The following MLLT3 variants were observed in gnomAD, a reference collection of about 807,000 sequenced individuals.
MLLT3 encodes the protein protein AF-9.
Under a neutral mutation model 53.2 loss-of-function variants are expected in MLLT3, and 4 were observed. The observed-to-expected ratio is 0.08, with a 90% CI of 0.04 to 0.17. The LOEUF (loss-of-function observed/expected upper bound fraction) is 0.17. MLLT3 is among the 10% of genes least tolerant of loss of function. The probability of loss-of-function intolerance (pLI) is 1.00; values close to 1 mark genes in which losing one functional copy is unlikely to be tolerated. For missense variants in MLLT3, 569 were observed against 684.0 expected (o/e 0.83, Z 1.87); for synonymous variants, 283 against 230.6 (o/e 1.23, Z -2.06).
intron 2 of MLLT3, among the ~76,000 whole-genome samples, chr9:20,478,860 A>G (rs368702974): frequency 2.0e-5 from 3 of 152,288 alleles, no homozygotes; most frequent in South Asian, 4.2e-4. Flanking sequence ...GGAGAAAGGG[A>G]GGGAACTTCA....
chr9:20,470,701 G>A (rs920492004), intron 2 of MLLT3, among the ~76,000 whole-genome samples: 1 of 151,826 alleles, frequency 6.6e-6, no homozygotes, highest in Non-Finnish European at 1.5e-5. Context: ...AAGTACTATT[G>A]TTTAGCTTCT....
intron 4 of MLLT3, among the ~76,000 whole-genome samples, chr9:20,445,293 A>G (rs1823665915): frequency 6.6e-6 from 1 of 152,318 alleles, no homozygotes. Flanking sequence ...TAACAAGAAT[A>G]TACTTAATAT....
chr9:20,535,152 C>T (rs1276997437), intron 2 of MLLT3, among the ~76,000 whole-genome samples: 1 of 152,174 alleles, frequency 6.6e-6, no homozygotes, highest in Admixed American at 6.5e-5. Context: ...GCTCCACCTC[C>T]TCTCAGATCA....
intron 2 of MLLT3, among the ~76,000 whole-genome samples, chr9:20,462,210 C>A (rs1191276398): frequency 6.6e-6 from 1 of 152,162 alleles, no homozygotes; most frequent in Non-Finnish European, 1.5e-5. Context: ...TTTTTAAAAG[C>A]ACACACAAAA....
intron 2 of MLLT3, among the ~76,000 whole-genome samples, chr9:20,458,451 A>G (rs999050605): frequency 1.3e-5 from 2 of 152,182 alleles, no homozygotes; most frequent in African/African-American, 2.4e-5. Context: ...TCTTCTAGAC[A>G]ATCTGAAGAC....
At chr9:20,402,991 A>G (rs1822493387) in intron 5 of MLLT3, among the ~76,000 whole-genome samples, 1 of 152,194 alleles carries the variant, frequency 6.6e-6, no homozygotes, top group Non-Finnish European at 1.5e-5. Context: ...CTCACTAGGA[A>G]CCACTTTAAA....
rs1820970781 is a variant in MLLT3 at position 20,620,509 on chromosome 9, C to A, written c.193+145G>T. The A allele has an allele frequency of 4.5e-6, 2 of 449,434 alleles. No homozygotes were observed. The highest frequency in any genetic ancestry group is 6.5e-6 in the Non-Finnish European group (2 of 305,878). 27.8% of individuals were successfully genotyped at this position (449,434 alleles called of 1,614,324 possible). ...CGGGCAGGCGGGAGCCGGGACCTGG[C>A]CCGCGCGGCGCCGCGCACCCGGATC... On this transcript the variant is annotated intron_variant, in intron 2 of 10. Transcript: ENST00000380338. This position sits in a 1 kb window ranked among gnomAD's most constrained non-coding sequence, Gnocchi z 6.1.
At chr9:20,594,560 C>T (rs1820205530) in intron 2 of MLLT3, among the ~76,000 whole-genome samples, 4 of 152,148 alleles carry the variant, frequency 2.6e-5, no homozygotes, top group Non-Finnish European at 5.9e-5. Context: ...CTGAGAATTA[C>T]TGGGCTACAT....
At chr9:20,509,092 A>T (rs1825455598) in intron 2 of MLLT3, among the ~76,000 whole-genome samples, 1 of 152,224 alleles carries the variant, frequency 6.6e-6, no homozygotes, top group South Asian at 2.1e-4. Context: ...TTCATATTGC[A>T]TATGATGTAT....
chr9:20,366,609 G>A (rs1164885715), intron 5 of MLLT3, among the ~76,000 whole-genome samples: 1 of 152,084 alleles, frequency 6.6e-6, no homozygotes, highest in Non-Finnish European at 1.5e-5. Context: ...AGATCCTTGA[G>A]AAATCCCACA....
chr9:20,404,499 C>T (rs1055960223), intron 5 of MLLT3, among the ~76,000 whole-genome samples: 1 of 151,970 alleles, frequency 6.6e-6, no homozygotes, highest in East Asian at 1.9e-4. Context: ...CAAAGCTAAA[C>T]CTGTTTAGTT....
At position 20,413,706 on chromosome 9, in the gene MLLT3, G is replaced by C. The variant is rs1290494456; in HGVS notation, c.1125+15C>G. On this transcript the variant is annotated intron_variant, in intron 5 of 10. Transcript: ENST00000380338. ...AAAATAAGGGAAAGGAAGAAAGCCA[G>C]TAAGAACTACTCACATCAGATTTAG... is the stretch of plus-strand genomic sequence containing the variant. 1 of 1,541,772 alleles carries C rather than the reference G, an allele frequency of 6.5e-7. No individual in the cohort carries two copies. Among genetic ancestry groups the C allele is most frequent in the Admixed American group, 2.2e-5 (1 of 45,736 alleles).
intron 4 of MLLT3, among the ~76,000 whole-genome samples, chr9:20,434,092 G>C (rs1331280515): frequency 6.6e-6 from 1 of 152,082 alleles, no homozygotes; most frequent in Non-Finnish European, 1.5e-5. Flanking sequence ...CTGCACTCCA[G>C]CCTGGTGACA....
chr9:20,341,881 CA>C lies in MLLT3; in HGVS notation c.*4561del. 4.9e-6 allele frequency: 1 copy of C among 204,368 alleles called. No individual in the cohort carries two copies. Among genetic ancestry groups the C allele is most frequent in the East Asian group, 7.5e-5 (1 of 13,382 alleles). The allele number at this position is 204,368 out of a possible 1,614,324, so 12.7% of individuals were successfully genotyped here. A position where few individuals can be genotyped will look rare whatever the true frequency, so the allele number is the denominator to read the frequency against. ...CGGGCACACATAGCCCAGTTTATGC[CA>C]AAAAATGTATCCCACCACTTCTTGT... is the stretch of plus-strand genomic sequence containing the variant. On this transcript the variant is annotated 3_prime_UTR_variant, in exon 11 of 11. Coordinates refer to ENST00000380338, the MANE Select transcript of MLLT3 (RefSeq NM_004529.4).
At chr9:20,559,868 G>C (rs1014231623) in intron 2 of MLLT3, among the ~76,000 whole-genome samples, 30 of 152,294 alleles carry the variant, frequency 2.0e-4, no homozygotes, top group African/African-American at 6.7e-4. Flanking sequence ...GGATTTTGTA[G>C]CAGCAAGAGT....
intron 4 of MLLT3, among the ~76,000 whole-genome samples, chr9:20,418,632 G>T (rs572539089): frequency 2.6e-5 from 4 of 152,234 alleles, no homozygotes; most frequent in Non-Finnish European, 4.4e-5. Context: ...TAGAGATGGG[G>T]TCTTGCTGTG....
intron 2 of MLLT3, among the ~76,000 whole-genome samples, chr9:20,516,359 C>T (rs1817920054): frequency 6.6e-6 from 1 of 152,174 alleles, no homozygotes; most frequent in Admixed American, 6.6e-5. Flanking sequence ...TACATGTATA[C>T]ACACTAAAAT....
chr9:20,415,149 G>C (rs1822840274), intron 4 of MLLT3, among the ~76,000 whole-genome samples: 1 of 152,086 alleles, frequency 6.6e-6, no homozygotes, highest in Non-Finnish European at 1.5e-5. Context: ...CTCAATTTGA[G>C]ATAAAAAGCA....
intron 2 of MLLT3, among the ~76,000 whole-genome samples, chr9:20,571,457 ATACTT>A (rs772756152): frequency 6.4e-4 from 98 of 152,338 alleles, no homozygotes; most frequent in Admixed American, 3.0e-3. Flanking sequence ...TTTTTTTACT[ATACTT>A]TAAGTTCTGG....
Sources: allele counts gnomAD v4.1 joint callset (sites outside exome capture counted in the v4.1 genomes callset), GRCh38; gene constraint gnomAD v4.1.1; non-coding constraint Gnocchi (gnomAD v3.1); transcripts MANE v1.5; gene names NCBI Gene and HGNC (gene_info 2026-07-23, HGNC 2026-07-21).